Variants in GFM2 observed in about 807,000 individuals in gnomAD.
GFM2 encodes the protein ribosome-releasing factor 2, mitochondrial.
In GFM2, 72 loss-of-function variants were observed where a neutral mutation model predicts 95.4. The observed-to-expected ratio is 0.76, with a 90% CI of 0.62 to 0.92. The LOEUF (loss-of-function observed/expected upper bound fraction) is 0.92. Ranked by LOEUF, GFM2 falls within the 40% of genes least tolerant of loss-of-function variation. GFM2 has a pLI of 0.00. For synonymous variants in GFM2, 276 were observed against 317.5 expected, an observed-to-expected ratio of 0.87 and a Z score of 1.39; for missense variants, 825 against 924.1, an observed-to-expected ratio of 0.89 and a Z score of 1.39.
chr5:74,746,670 T>A (rs909322095), intron 8 of GFM2, among the ~76,000 whole-genome samples: 1 of 152,188 alleles, frequency 6.6e-6, no homozygotes, highest in Non-Finnish European at 1.5e-5. Flanking sequence ...ATAGAACACA[T>A]GCCATCTTTG....
intron 5 of GFM2, among the ~76,000 whole-genome samples, chr5:74,753,084 A>G (rs1262641012): frequency 6.6e-6 from 1 of 152,230 alleles, no homozygotes; most frequent in Non-Finnish European, 1.5e-5. Context: ...CAGAAAAAAG[A>G]GTTCAGAAGG....
At chr5:74,747,254 C>G (rs1025891187) in intron 8 of GFM2, among the ~76,000 whole-genome samples, 10 of 152,160 alleles carry the variant, frequency 6.6e-5, no homozygotes, top group Non-Finnish European at 1.5e-4. Context: ...TCTTTATTGA[C>G]AGTATCTTAC....
chr5:74,747,003 C>T (rs185906750), intron 8 of GFM2, among the ~76,000 whole-genome samples: 2 of 152,276 alleles, frequency 1.3e-5, no homozygotes, highest in Admixed American at 1.3e-4. Context: ...TTTTGCCATT[C>T]TCCCATCACA....
intron 1 of GFM2, among the ~76,000 whole-genome samples, 194 bp downstream of exon 1, chr5:74,766,744 G>C (rs930429327): frequency 2.6e-5 from 4 of 152,328 alleles, no homozygotes; most frequent in Admixed American, 2.0e-4. Context: ...AGAGTGACCG[G>C]AACAAAGATG....
intron 17 of GFM2, among the ~76,000 whole-genome samples, chr5:74,728,189 A>G (rs1478653728): frequency 2.0e-5 from 3 of 152,206 alleles, no homozygotes; most frequent in Admixed American, 6.5e-5. Flanking sequence ...CCCATGCAGT[A>G]AAAAATACAT....
chr5:74,764,535 C>A (rs1744444544), intron 1 of GFM2, among the ~76,000 whole-genome samples: 1 of 151,806 alleles, frequency 6.6e-6, no homozygotes, highest in Non-Finnish European at 1.5e-5. Flanking sequence ...TGTTAGTTAT[C>A]ATTAGTGATT....
intron 2 of GFM2, among the ~76,000 whole-genome samples, chr5:74,762,909 C>A (rs1744355338): frequency 6.6e-6 from 1 of 152,132 alleles, no homozygotes; most frequent in African/African-American, 2.4e-5. Context: ...ATTTTCAGAC[C>A]ACAGTTGACT....
chr5:74,737,053 C>T, intron 14 of GFM2, 68 bp from the exon 15 acceptor site: 1 of 1,510,172 alleles, frequency 6.6e-7, no homozygotes, highest in Middle Eastern at 2.4e-4. Flanking sequence ...CACCAAGAAC[C>T]ACAATATAAG....
chr5:74,749,309 C>T (rs1431906446), intron 7 of GFM2, among the ~76,000 whole-genome samples: 1 of 152,122 alleles, frequency 6.6e-6, no homozygotes, highest in Admixed American at 6.5e-5. Flanking sequence ...AGCCACCATG[C>T]CTGGCCTCTA....
chr5:74,737,426 GA>G (rs1488918270), intron 14 of GFM2, among the ~76,000 whole-genome samples: 15 of 152,138 alleles, frequency 9.9e-5, no homozygotes, highest in African/African-American at 3.6e-4. Context: ...CTTCCATGTA[GA>G]GCCCAATTAT....
chr5:74,738,440 T>G (rs1742941993), intron 13 of GFM2, 23 bp from the exon 14 acceptor site: 1 of 1,610,632 alleles, frequency 6.2e-7, no homozygotes, highest in Non-Finnish European at 8.5e-7. Flanking sequence ...AATTTTATGT[T>G]AGTAAAAGTA....
chr5:74,750,775 GTA>G, intron 6 of GFM2, 108 bp from the exon 7 acceptor site: 1 of 708,132 alleles, frequency 1.4e-6, no homozygotes. Context: ...ATATATATGT[GTA>G]TATATATAAA....
At chr5:74,726,243 A>C (rs543243430) in intron 17 of GFM2, 117 bp from the exon 18 acceptor site, 1 of 666,372 alleles carries the variant, frequency 1.5e-6, no homozygotes, top group South Asian at 2.0e-5. Context: ...AAAGTGGGAG[A>C]GAATATTAAC....
At chr5:74,728,996 C>G (rs1750288746) in intron 17 of GFM2, among the ~76,000 whole-genome samples, 1 of 151,982 alleles carries the variant, frequency 6.6e-6, no homozygotes, top group African/African-American at 2.4e-5. Context: ...TCGTGATCTG[C>G]CCACCTCAGC....
intron 1 of GFM2, among the ~76,000 whole-genome samples, chr5:74,765,837 A>C (rs1003279826): frequency 6.6e-6 from 1 of 151,902 alleles, no homozygotes; most frequent in Non-Finnish European, 1.5e-5. Context: ...TCTCTACTAA[A>C]AATACAAAAA....
chr5:74,746,013 A>G, intron 9 of GFM2, 92 bp downstream of exon 9: 2 of 1,109,958 alleles, frequency 1.8e-6, no homozygotes, highest in Non-Finnish European at 2.6e-6. Flanking sequence ...AACTTCTTCA[A>G]AAATGATGAG....
At chr5:74,738,262 A>T in intron 14 of GFM2, 56 bp downstream of exon 14, 1 of 1,335,766 alleles carries the variant, frequency 7.5e-7, no homozygotes, top group Non-Finnish European at 1.1e-6. Context: ...CAAGTTGCTT[A>T]CTTGTAATTA....
At position 74,736,957 on chromosome 5, in the gene GFM2, G is replaced by A. The variant is rs1264433621; in HGVS notation, c.1349C>T (p.Ser450Phe). The A allele has an allele frequency of 6.2e-7, 1 of 1,613,504 alleles. No individual in the cohort carries two copies. The highest frequency in any genetic ancestry group is 1.3e-5 in the African/African-American group (1 of 74,888). The change falls in exon 15 of 21, where the codon TCC (serine) becomes TTC (phenylalanine). Residue 450 changes from serine to phenylalanine, a missense_variant. By Grantham distance (155) the Ser-to-Phe change is radical. Transcript: ENST00000296805. ...AGCTGCAGCTAATGCACTGGACTTG[G>A]ATGAGACAATGGTGTCTCCAGTGGC... Reference protein sequence around the residue: ...HTATGDTIVSSKSSALAAARR... With the variant: ...HTATGDTIVSFKSSALAAARR...
chr5:74,725,044 A>ACTGG (rs779949145), intron 19 of GFM2: 3 of 152,206 alleles, frequency 2.0e-5, no homozygotes, highest in Non-Finnish European at 4.4e-5. Flanking sequence ...GTGGGACTTA[A>ACTGG]CTGGTTTCAA....
Sources: gnomAD v4.1 joint callset for allele counts (sites outside exome capture counted in the v4.1 genomes callset) on GRCh38, gnomAD v4.1.1 for gene constraint, MANE v1.5 for transcripts, NCBI Gene and HGNC (gene_info 2026-07-23, HGNC 2026-07-21) for gene names.